MEIS1: variants seen among roughly 807,000 people sequenced by gnomAD.
MEIS1 encodes Meis homeobox 1.
Under a neutral mutation model 50.8 loss-of-function variants are expected in MEIS1, and 5 were observed. That is an observed-to-expected ratio of 0.10 (90% CI 0.05 to 0.21). The LOEUF (loss-of-function observed/expected upper bound fraction) is 0.21, where lower values mean the gene tolerates loss of function less well. Among genes scored for constraint, MEIS1 ranks in the 10% least tolerant of loss-of-function variants. The pLI is 1.00. For missense variants in MEIS1, 318 were observed against 517.3 expected (o/e 0.61, Z 3.74); for synonymous variants, 176 against 179.3 (o/e 0.98, Z 0.15).
intron 6 of MEIS1, among the ~76,000 whole-genome samples, chr2:66,458,100 C>T (rs994861221): frequency 6.6e-6 from 1 of 152,106 alleles, no homozygotes; most frequent in African/African-American, 2.4e-5. Flanking sequence ...GATCATCAGA[C>T]TCTCAATTAT....
intron 8 of MEIS1, among the ~76,000 whole-genome samples, chr2:66,516,050 C>G (rs529973144): frequency 1.3e-5 from 2 of 152,224 alleles, no homozygotes; most frequent in Admixed American, 1.3e-4. Context: ...CATAGTATTA[C>G]AAAGATATGT....
At chr2:66,469,090 C>T (rs1324380563) in intron 7 of MEIS1, among the ~76,000 whole-genome samples, 2 of 151,920 alleles carry the variant, frequency 1.3e-5, no homozygotes, top group Non-Finnish European at 2.9e-5. Flanking sequence ...TGATGTAATA[C>T]ATTTCAACCC....
In MEIS1 at chr2:66,479,767, G is replaced by GTCTTAAGCTCCA. The variant is rs557765948; in HGVS notation, c.742+15547_742+15548insTCTTAAGCTCCA. ...ATAAGGCAATCAGCACTTTTCTTTA[G>GTCTTAAGCTCCA]GCACAAAGTCTTAAGCTCCAGATTT... On this transcript the variant is annotated intron_variant, in intron 7 of 12. Transcript: ENST00000272369. Among the ~76,000 whole-genome samples the GTCTTAAGCTCCA allele has an allele frequency of 1.5e-3, 234 of 152,248 alleles. 2 individuals are homozygous for GTCTTAAGCTCCA. In the Middle Eastern group the frequency reaches 0.02, roughly 13 times the overall value.
intron 8 of MEIS1, among the ~76,000 whole-genome samples, chr2:66,531,844 C>T (rs1572883245): frequency 6.6e-6 from 1 of 152,140 alleles, no homozygotes; most frequent in East Asian, 1.9e-4. Context: ...TGAGCCAAGA[C>T]AGTGTCTGTA....
intron 9 of MEIS1, among the ~76,000 whole-genome samples, chr2:66,563,903 G>A (rs1222260206): frequency 6.6e-6 from 1 of 152,156 alleles, no homozygotes; most frequent in Admixed American, 6.5e-5. Context: ...AGAATCAAAT[G>A]TGGAGATTGT....
At chr2:66,515,558 C>T (rs1673945074) in intron 8 of MEIS1, among the ~76,000 whole-genome samples, 1 of 152,078 alleles carries the variant, frequency 6.6e-6, no homozygotes, top group South Asian at 2.1e-4. Flanking sequence ...GGCTCACAGT[C>T]TCTAGCAAGC....
At chr2:66,514,583 T>C (rs193043617) in intron 8 of MEIS1, among the ~76,000 whole-genome samples, 2 of 152,346 alleles carry the variant, frequency 1.3e-5, no homozygotes, top group East Asian at 3.9e-4. Flanking sequence ...TGAATGTTTA[T>C]AGGTGTTACC....
chr2:66,480,569 G>T (rs909868227), intron 7 of MEIS1, among the ~76,000 whole-genome samples: 17 of 152,264 alleles, frequency 1.1e-4, no homozygotes, highest in African/African-American at 4.1e-4. Flanking sequence ...TTGGTAAAAA[G>T]ATTTGATCTT....
intron 2 of MEIS1, among the ~76,000 whole-genome samples, chr2:66,438,300 A>G (rs543080703): frequency 6.6e-6 from 1 of 152,244 alleles, no homozygotes; most frequent in South Asian, 2.1e-4. Context: ...CGAGAGCGTT[A>G]GGGGTTTCTA....
intron 8 of MEIS1, among the ~76,000 whole-genome samples, chr2:66,516,615 T>G (rs1473673403): frequency 6.6e-6 from 1 of 151,216 alleles, no homozygotes; most frequent in Non-Finnish European, 1.5e-5. Context: ...GCGGCCAAAT[T>G]TATGTCTTGA....
intron 7 of MEIS1, among the ~76,000 whole-genome samples, chr2:66,471,572 A>G (rs1472790201): frequency 6.6e-6 from 1 of 152,258 alleles, no homozygotes; most frequent in Non-Finnish European, 1.5e-5. Context: ...TTATTTTCCT[A>G]GAATTGACTA....
At chr2:66,532,245 AT>A (rs1674410777) in intron 8 of MEIS1, among the ~76,000 whole-genome samples, 1 of 152,180 alleles carries the variant, frequency 6.6e-6, no homozygotes, top group South Asian at 2.1e-4. Context: ...CCGTAGGCAG[AT>A]TTTTGAACAG....
chr2:66,503,907 G>A (rs1480840698), intron 7 of MEIS1, among the ~76,000 whole-genome samples: 5 of 151,766 alleles, frequency 3.3e-5, no homozygotes, highest in Non-Finnish European at 7.4e-5. Context: ...ACCATGCCTG[G>A]CTAATTTTTT....
chr2:66,552,623 T>C (rs1674948417), intron 9 of MEIS1, among the ~76,000 whole-genome samples: 1 of 152,204 alleles, frequency 6.6e-6, no homozygotes, highest in South Asian at 2.1e-4. Flanking sequence ...TTCCCATTTA[T>C]TATGAGTGGG....
At chr2:66,549,547 G>C (rs1250662988) in intron 9 of MEIS1, among the ~76,000 whole-genome samples, 1 of 151,728 alleles carries the variant, frequency 6.6e-6, no homozygotes, top group African/African-American at 2.4e-5. Context: ...TAATATCCTG[G>C]ATGATATTAT....
chr2:66,568,589 C>A, intron 10 of MEIS1, 78 bp from the exon 11 acceptor site: 2 of 1,076,304 alleles, frequency 1.9e-6, no homozygotes, highest in Non-Finnish European at 2.9e-6. Context: ...CTGGTATGTT[C>A]TCCTCTTAGT....
rs776061419 is a variant in MEIS1, at chr2:66,437,844, C to A, written c.120C>A (p.Asn40Lys). 6.2e-7 allele frequency: 1 copy of A among 1,613,886 alleles called. No homozygotes were observed. Among genetic ancestry groups the A allele is most frequent in the Non-Finnish European group, 8.5e-7 (1 of 1,179,858 alleles). Residue 40 changes from asparagine (N) to lysine (K), a missense_variant, in exon 2 of 13, where the codon AAC becomes AAA. Physicochemically the swap from Asn to Lys is moderately conservative, Grantham distance 94. Coordinates refer to ENST00000272369, the MANE Select transcript of MEIS1 (RefSeq NM_002398.3). ...CCATGCAGCCGGTCCACCACCTGAA[C>A]CACGGGCCTCCTCTGCACTCGCATC... ...ARSMQPVHHL[N>K]HGPPLHSHQY...
intron 7 of MEIS1, among the ~76,000 whole-genome samples, chr2:66,494,248 C>T (rs1237754708): frequency 1.3e-5 from 2 of 152,162 alleles, no homozygotes; most frequent in Non-Finnish European, 2.9e-5. Context: ...GTTAGCAAAC[C>T]TCTAGAATGC....
At chr2:66,454,927 T>G (rs1672354539) in intron 6 of MEIS1, 2 of 152,152 alleles carry the variant, frequency 1.3e-5, no homozygotes, top group Non-Finnish European at 2.9e-5. Context: ...TATACTTATT[T>G]GGAAATATAG....
Sources: allele counts gnomAD v4.1 joint callset (sites outside exome capture counted in the v4.1 genomes callset), GRCh38; gene constraint gnomAD v4.1.1; transcripts MANE v1.5; gene names NCBI Gene and HGNC (gene_info 2026-07-23, HGNC 2026-07-21).